The following PRIMA1 variants were observed in gnomAD, a reference collection of about 807,000 sequenced individuals.
The protein encoded by PRIMA1 is proline-rich membrane anchor 1.
Under a neutral mutation model 17.5 loss-of-function variants are expected in PRIMA1, and 7 were observed. The ratio of observed to expected loss-of-function variants is 0.40; its 90% CI spans 0.23 to 0.75. The LOEUF is 0.75. Ranked by LOEUF, PRIMA1 falls within the 30% of genes least tolerant of loss-of-function variation. The probability of loss-of-function intolerance (pLI) is 0.37; values close to 1 mark genes in which losing one functional copy is unlikely to be tolerated. For synonymous variants in PRIMA1, 97 were observed against 77.9 expected (o/e 1.25, Z -1.29); for missense variants, 200 against 201.8 (o/e 0.99, Z 0.05).
At position 93,776,614 on chromosome 14, in the gene PRIMA1, C is replaced by A. The variant is rs115829904; in HGVS notation, c.229+2562G>T. 2.1e-3 allele frequency among the ~76,000 whole-genome samples: 325 copies of A among 152,326 alleles called. 2 individuals are homozygous for A. The highest frequency in any genetic ancestry group is 7.6e-3 in the African/African-American group (314 of 41,566). ...CAGACAATATAGGCTCATGTCACTTCCCCACTTAACACCTTCGTAGGCTCA... is the reference window on the plus strand; with the variant it reads ...CAGACAATATAGGCTCATGTCACTTACCCACTTAACACCTTCGTAGGCTCA... On this transcript the variant is annotated intron_variant, in intron 3 of 4. Coordinates refer to ENST00000393140, the MANE Select transcript of PRIMA1 (RefSeq NM_178013.4).
At chr14:93,781,499 C>T (rs888920388) in intron 2 of PRIMA1, among the ~76,000 whole-genome samples, 1 of 152,234 alleles carries the variant, frequency 6.6e-6, no homozygotes, top group African/African-American at 2.4e-5. Flanking sequence ...TTCTCAATCT[C>T]CAAGGTGCAA....
rs1316651023 is a variant in PRIMA1 at position 93,759,617 on chromosome 14, G to A, written c.229+19559C>T. Among the ~76,000 whole-genome samples the A allele has an allele frequency of 3.3e-5, 5 of 152,140 alleles. No individual in the cohort carries two copies. In the East Asian group the frequency reaches 9.6e-4, roughly 29 times the overall value. ...GACGGAGAGGGCTAGAGAGGGAGGG[G>A]AGGGAAAGGAGAAAGAACACCTATG... On this transcript the variant is annotated intron_variant, in intron 3 of 4. Transcript: ENST00000393140.
intron 3 of PRIMA1, among the ~76,000 whole-genome samples, chr14:93,770,257 G>A (rs1188842072): frequency 6.6e-6 from 1 of 152,158 alleles, no homozygotes; most frequent in East Asian, 1.9e-4. Flanking sequence ...CCACTCTCCA[G>A]AGTCAGTCTT....
rs1013746965 is a variant in PRIMA1, at chr14:93,721,136, T to G, written c.*308A>C. On this transcript the variant is annotated 3_prime_UTR_variant, in exon 5 of 5. Coordinates refer to ENST00000393140, the MANE Select transcript of PRIMA1 (RefSeq NM_178013.4). ...ATCCCTCTGGCTTCGCCAGTGCGCA[T>G]GCTTTAGACAGCAGCTGGGGGCAGT... 2 of 335,110 alleles carry G rather than the reference T, an allele frequency of 6.0e-6. No individual in the cohort carries two copies. Among genetic ancestry groups the G allele is most frequent in the Admixed American group, 9.2e-5 (2 of 21,736 alleles). 20.8% of individuals were successfully genotyped at this position (335,110 alleles called of 1,614,324 possible).
intron 3 of PRIMA1, among the ~76,000 whole-genome samples, chr14:93,738,787 A>C (rs562984978): frequency 3.3e-5 from 5 of 152,336 alleles, no homozygotes; most frequent in Admixed American, 2.6e-4. Flanking sequence ...GAATATTTCC[A>C]ACAGCCCAGA....
intron 3 of PRIMA1, among the ~76,000 whole-genome samples, chr14:93,744,499 A>C (rs2076204310): frequency 6.6e-6 from 1 of 152,236 alleles, no homozygotes; most frequent in African/African-American, 2.4e-5. Flanking sequence ...CCTCACCCCG[A>C]AGGCAACCAG....
intron 2 of PRIMA1, among the ~76,000 whole-genome samples, chr14:93,783,808 A>G (rs1464409376): frequency 1.3e-5 from 2 of 152,154 alleles, no homozygotes; most frequent in Non-Finnish European, 2.9e-5. Flanking sequence ...TGGTACCTGT[A>G]GCAGAGGTCT....
chr14:93,779,402 A>G (rs1885317943), intron 2 of PRIMA1, 91 bp from the exon 3 acceptor site: 1 of 1,133,292 alleles, frequency 8.8e-7, no homozygotes, highest in Non-Finnish European at 1.2e-6. Context: ...GTCCCCTGCC[A>G]GGCTGGGACT....
intron 3 of PRIMA1, among the ~76,000 whole-genome samples, chr14:93,749,617 C>T (rs189912752): frequency 1.3e-5 from 2 of 152,244 alleles, no homozygotes; most frequent in East Asian, 3.9e-4. Context: ...GTAATGAGCT[C>T]ATCTTTGCTT....
chr14:93,753,402 T>G (rs1430813600), intron 3 of PRIMA1, among the ~76,000 whole-genome samples: 1 of 152,208 alleles, frequency 6.6e-6, no homozygotes, highest in East Asian at 1.9e-4. Flanking sequence ...CAGTTCATTC[T>G]AAATCTGAGA....
chr14:93,753,387 C>T (rs4905085), intron 3 of PRIMA1, among the ~76,000 whole-genome samples: 107,872 of 152,118 alleles, frequency 0.71, 40,711 homozygotes, highest in Non-Finnish European at 0.85. Flanking sequence ...TTGCCACCCA[C>T]GGTCCAGTTC....
At chr14:93,737,411 C>T in intron 3 of PRIMA1, 41 bp from the exon 4 acceptor site, 2 of 1,603,104 alleles carry the variant, frequency 1.2e-6, no homozygotes, top group Non-Finnish European at 1.7e-6. Flanking sequence ...CCTGGATGAG[C>T]TGGTCATGGC....
In PRIMA1 at chr14:93,719,423, ACCTCCC is replaced by A. The variant is rs150779950; in HGVS notation, c.*2015_*2020del. On this transcript the variant is annotated 3_prime_UTR_variant, in exon 5 of 5. Coordinates refer to ENST00000393140, the MANE Select transcript of PRIMA1 (RefSeq NM_178013.4). ...CCACTCCATGGTCCCTTAGCCAGGA[ACCTCCC>A]CTCTTAGAGAAGGTGCCCTCTGATC... 112 of 152,290 alleles carry A rather than the reference ACCTCCC, an allele frequency of 7.4e-4. No homozygotes were observed. The highest frequency in any genetic ancestry group is 2.6e-3 in the African/African-American group (107 of 41,514). 9.4% of individuals were successfully genotyped at this position (152,290 alleles called of 1,614,324 possible). A position where few individuals can be genotyped will look rare whatever the true frequency, so the allele number is the denominator to read the frequency against.
chr14:93,785,862 G>GCA lies in PRIMA1; in HGVS notation c.93+1762_93+1763dup, dbSNP rs145213560. ...GAGTGAGAGCATCTGAAATACACCC[G>GCA]CACACACACACACCCCTGCACACAC... On this transcript the variant is annotated intron_variant, in intron 2 of 4. Transcript: ENST00000393140. Among the ~76,000 whole-genome samples the GCA allele has an allele frequency of 2.4e-3, 361 of 151,056 alleles. 5 individuals carry two copies. The East Asian group carries it at 0.048, about 20-fold the overall frequency.
intron 4 of PRIMA1, among the ~76,000 whole-genome samples, chr14:93,734,650 G>A (rs1595194564): frequency 6.6e-6 from 1 of 152,106 alleles, no homozygotes; most frequent in South Asian, 2.1e-4. Context: ...ATGCCCCAGA[G>A]GAGCACCACC....
At chr14:93,778,204 G>A (rs1168405286) in intron 3 of PRIMA1, among the ~76,000 whole-genome samples, 1 of 152,186 alleles carries the variant, frequency 6.6e-6, no homozygotes, top group African/African-American at 2.4e-5. Context: ...CCAAGAAGAC[G>A]CATTTTAAAA....
intron 4 of PRIMA1, among the ~76,000 whole-genome samples, chr14:93,727,207 G>A (rs1173795058): frequency 1.3e-5 from 2 of 152,184 alleles, no homozygotes; most frequent in Non-Finnish European, 2.9e-5. Context: ...GAGCTGCGGC[G>A]GAACTGGCGA....
At chr14:93,770,746 A>G (rs915115429) in intron 3 of PRIMA1, among the ~76,000 whole-genome samples, 2 of 152,168 alleles carry the variant, frequency 1.3e-5, no homozygotes, top group East Asian at 1.9e-4. Context: ...AGAGCAATCA[A>G]TCTACAAGCT....
At chr14:93,740,750 G>A (rs2076179462) in intron 3 of PRIMA1, among the ~76,000 whole-genome samples, 1 of 152,226 alleles carries the variant, frequency 6.6e-6, no homozygotes, top group Non-Finnish European at 1.5e-5. Flanking sequence ...GTTGCAATGT[G>A]TGATCCCAGC....
Sources: allele counts gnomAD v4.1 joint callset (sites outside exome capture counted in the v4.1 genomes callset), GRCh38; gene constraint gnomAD v4.1.1; transcripts MANE v1.5; gene names NCBI Gene and HGNC (gene_info 2026-07-23, HGNC 2026-07-21).